The following GALNS variants were observed in gnomAD, a reference collection of about 807,000 sequenced individuals.
The protein encoded by GALNS is N-acetylgalactosamine-6-sulfatase.
Under a neutral mutation model 65.9 loss-of-function variants are expected in GALNS, and 65 were observed. The observed-to-expected ratio is 0.99, with a 90% CI of 0.81 to 1.21. The LOEUF (loss-of-function observed/expected upper bound fraction) is 1.21. Ranked by LOEUF, GALNS falls within the 50% of genes most tolerant of loss-of-function variation. The pLI, the probability that GALNS is intolerant of heterozygous loss-of-function variation, is 0.00. For missense variants in GALNS, 776 were observed against 700.7 expected (o/e 1.11, Z -1.21); for synonymous variants, 346 against 288.9 (o/e 1.20, Z -2.00).
intron 9 of GALNS, among the ~76,000 whole-genome samples, chr16:88,828,989 C>T (rs553128062): frequency 3.0e-4 from 45 of 150,590 alleles, no homozygotes; most frequent in Non-Finnish European, 5.3e-4. Flanking sequence ...ACGCGGGTCC[C>T]GGGTCTCACG....
chr16:88,854,751 T>C (rs1263522299), intron 1 of GALNS, among the ~76,000 whole-genome samples: 1 of 152,184 alleles, frequency 6.6e-6, no homozygotes, highest in Non-Finnish European at 1.5e-5. Flanking sequence ...AAGGGGAAAC[T>C]CGCCAGGCGG....
rs1451204446 is a variant in GALNS at position 88,856,903 on chromosome 16, C to G, written c.-26G>C. ...GGCAACCACGGGAGCCGCGGAGCCC[C>G]GGCCAGCGAGCCGACCTAGCGAGCG... On this transcript the variant is annotated 5_prime_UTR_variant, in exon 1 of 14. Transcript: ENST00000268695. 1.0e-5 allele frequency: 15 copies of G among 1,498,634 alleles called. No homozygotes were observed. Among genetic ancestry groups the G allele is most frequent in the African/African-American group, 2.9e-5 (2 of 68,450 alleles). The allele number at this position is 1,498,634 out of a possible 1,614,324, so 92.8% of individuals were successfully genotyped here.
chr16:88,856,451 C>A, intron 1 of GALNS: 1 of 700,622 alleles, frequency 1.4e-6, no homozygotes, highest in Non-Finnish European at 2.6e-6. Context: ...GGCCACCCAC[C>A]TGCCAGGGAG....
At chr16:88,839,258 C>A (rs1417429227) in intron 4 of GALNS, among the ~76,000 whole-genome samples, 1 of 149,562 alleles carries the variant, frequency 6.7e-6, no homozygotes, top group Non-Finnish European at 1.5e-5. Context: ...GTCCGCAGGT[C>A]ACCGCCCGGC....
chr16:88,834,418 T>G lies in GALNS; in HGVS notation c.898+795A>C, dbSNP rs11647379. 0.024 allele frequency among the ~76,000 whole-genome samples: 1,763 copies of G among 74,648 alleles called. 140 individuals are homozygous for G. In the East Asian group the frequency reaches 0.37, roughly 16 times the overall value. 49.0% of individuals were successfully genotyped at this position (74,648 alleles called of 152,430 possible). On this transcript the variant is annotated intron_variant, in intron 8 of 13. Transcript: ENST00000268695. ...CCCCCCGCGTGGTCTGGGAAGAGGCTGCAGGGCCCCCCTCAGCGTGGTCTG... is the reference window on the plus strand; with the variant it reads ...CCCCCCGCGTGGTCTGGGAAGAGGCGGCAGGGCCCCCCTCAGCGTGGTCTG...
chr16:88,856,029 T>C (rs937738184), intron 1 of GALNS: 2 of 610,556 alleles, frequency 3.3e-6, no homozygotes, highest in Non-Finnish European at 2.9e-6. Flanking sequence ...AACCCAGGTG[T>C]GTCTGGGGTC....
intron 1 of GALNS, among the ~76,000 whole-genome samples, chr16:88,852,961 A>G (rs1212229615): frequency 6.6e-6 from 1 of 152,020 alleles, no homozygotes; most frequent in Non-Finnish European, 1.5e-5. Flanking sequence ...TCTCAAAAAA[A>G]AAGTCCTGGC....
At chr16:88,822,751 C>T (rs1910371709) in intron 11 of GALNS, 41 bp from the exon 12 acceptor site, 1 of 1,604,262 alleles carries the variant, frequency 6.2e-7, no homozygotes, top group Non-Finnish European at 8.5e-7. Flanking sequence ...GAGCCCCTGA[C>T]CTGCGGCCGT....
At position 88,813,919 on chromosome 16, in the gene GALNS, G is replaced by T. The variant is rs80125890; in HGVS notation, c.*520C>A. 517 of 196,570 alleles carry T rather than the reference G, an allele frequency of 2.6e-3. 5 individuals are homozygous for T. The highest frequency in any genetic ancestry group is 0.011 in the African/African-American group (484 of 43,154). The allele number at this position is 196,570 out of a possible 1,614,324, so 12.2% of individuals were successfully genotyped here. A position where few individuals can be genotyped will look rare whatever the true frequency, so the allele number is the denominator to read the frequency against. ...AGACAAACGCTTATATGATTGCCCC[G>T]TTCCCTTACTGTTTACATAAAAATG... On this transcript the variant is annotated 3_prime_UTR_variant, in exon 14 of 14. Transcript: ENST00000268695.
intron 1 of GALNS, among the ~76,000 whole-genome samples, chr16:88,851,917 C>T (rs1331456037): frequency 6.6e-6 from 1 of 152,268 alleles, no homozygotes; most frequent in East Asian, 1.9e-4. Context: ...GTAGACCCCA[C>T]CTCTAGGAGC....
intron 13 of GALNS, 65 bp from the exon 14 acceptor site, chr16:88,814,590 C>T (rs565121718): frequency 8.4e-6 from 13 of 1,547,112 alleles, no homozygotes; most frequent in East Asian, 7.4e-5. Flanking sequence ...CCAGCAGCAG[C>T]GGGCATTTTG....
intron 4 of GALNS, chr16:88,840,756 C>G (rs1217509225): frequency 5.3e-6 from 3 of 564,824 alleles, no homozygotes; most frequent in Admixed American, 2.8e-5. Context: ...CCTGCGGAGT[C>G]TGATGCCGCA....
chr16:88,819,508 C>T (rs538097712), intron 12 of GALNS, among the ~76,000 whole-genome samples: 22 of 150,872 alleles, frequency 1.5e-4, no homozygotes, highest in Non-Finnish European at 3.1e-4. Context: ...CCCCGAAGGC[C>T]GTGGCCTGGC....
At chr16:88,832,693 A>C (rs1911634859) in intron 8 of GALNS, among the ~76,000 whole-genome samples, 1 of 152,114 alleles carries the variant, frequency 6.6e-6, no homozygotes, top group South Asian at 2.1e-4. Context: ...TCAGGGACAA[A>C]AGCCACCCCT....
Position 88,841,035 on chromosome 16 carries a change from GC to G in GALNS, c.378del (p.Glu126AspfsTer3). The G allele has an allele frequency of 6.2e-7, 1 of 1,613,256 alleles. No individual in the cohort carries two copies. Among genetic ancestry groups the G allele is most frequent in the African/African-American group, 1.3e-5 (1 of 75,052 alleles). ...GIPDSEQLLP[E>X]LLKKAGYVSK... The stretch of plus-strand genomic sequence containing the variant: ...CTGACGTAGCCGGCCTTCTTCAGAA[GC>G]TCCGGCAGGAGCTGCTCCGAGTCTG... On this transcript the variant is annotated frameshift_variant, in exon 4 of 14. Transcript: ENST00000268695. LOFTEE classifies it high-confidence loss of function.
At chr16:88,844,361 A>G (rs1567539827) in intron 1 of GALNS, 1 of 152,174 alleles carries the variant, frequency 6.6e-6, no homozygotes, top group Non-Finnish European at 1.5e-5. Flanking sequence ...AAGTGCTTTT[A>G]AACAGGCAGT....
At position 88,842,841 on chromosome 16, in the gene GALNS, A is replaced by G. The variant is rs1967042553; in HGVS notation, c.121-12T>C. On this transcript the variant is annotated splice_polypyrimidine_tract_variant and intron_variant, in intron 1 of 13. Transcript: ENST00000268695. ...TCACCCCATCCCATCTGCAGGGAAG[A>G]GCACGGGGAGGAGGAATGAGCGCCT... 5.0e-6 allele frequency: 8 copies of G among 1,612,718 alleles called. No individual in the cohort carries two copies. Among genetic ancestry groups the G allele is most frequent in the African/African-American group, 1.3e-5 (1 of 75,050 alleles).
At position 88,856,922 on chromosome 16, in the gene GALNS, G is replaced by A. The variant is rs1384132870; in HGVS notation, c.-45C>T. 2.0e-6 allele frequency: 3 copies of A among 1,483,162 alleles called. No homozygotes were observed. The highest frequency in any genetic ancestry group is 2.5e-5 in the South Asian group (2 of 78,766). 91.9% of individuals were successfully genotyped at this position (1,483,162 alleles called of 1,614,324 possible). The stretch of plus-strand genomic sequence containing the variant: ...GAGCCCCGGCCAGCGAGCCGACCTA[G>A]CGAGCGTCCGCCGGCCCTTCCGGCT... On this transcript the variant is annotated 5_prime_UTR_variant, in exon 1 of 14. Coordinates refer to ENST00000268695, the MANE Select transcript of GALNS (RefSeq NM_000512.5).
rs1351007159 is a variant in GALNS, at chr16:88,826,830, G to T, written c.1011C>A (p.His337Gln). 6.3e-7 allele frequency: 1 copy of T among 1,580,686 alleles called. No homozygotes were observed. Among genetic ancestry groups the T allele is most frequent in the Non-Finnish European group, 8.6e-7 (1 of 1,164,016 alleles). The stretch of plus-strand genomic sequence containing the variant: ...AGAGGTCCATGATGCTGCCCAGCTG[G>T]TGGCTCACCTGAAACACATGGCAGC... The part of the protein sequence containing the change: ...PGHVTAGQVS[H>Q]QLGSIMDLFT... Residue 337 changes from histidine (H) to glutamine (Q), a missense_variant, in exon 10 of 14, where the codon CAC becomes CAA. His to Gln is a conservative substitution (Grantham distance 24, BLOSUM62 0). Coordinates refer to ENST00000268695, the MANE Select transcript of GALNS (RefSeq NM_000512.5).
Sources: gnomAD v4.1 joint callset for allele counts (sites outside exome capture counted in the v4.1 genomes callset) on GRCh38, gnomAD v4.1.1 for gene constraint, MANE v1.5 for transcripts, NCBI Gene and HGNC (gene_info 2026-07-23, HGNC 2026-07-21) for gene names.